The following RBFOX1 variants were observed in gnomAD, a reference collection of about 807,000 sequenced individuals.
RBFOX1 encodes RNA binding fox-1 homolog 1.
RBFOX1 carries 8 observed loss-of-function variants against 57.7 expected under a neutral mutation model. That is an observed-to-expected ratio of 0.14 (90% CI 0.08 to 0.25). The LOEUF (loss-of-function observed/expected upper bound fraction) is 0.25. Ranked by LOEUF, RBFOX1 falls within the 10% of genes least tolerant of loss-of-function variation. The pLI, the probability that RBFOX1 is intolerant of heterozygous loss-of-function variation, is 1.00. For synonymous variants in RBFOX1, 326 were observed against 222.4 expected (o/e 1.47, Z -4.15); for missense variants, 611 against 548.5 (o/e 1.11, Z -1.14).
chr16:7,021,823 A>C (rs2039215739), intron 3 of RBFOX1, among the ~76,000 whole-genome samples: 1 of 151,204 alleles, frequency 6.6e-6, no homozygotes, highest in Non-Finnish European at 1.5e-5. Context: ...ATTTATTTCT[A>C]ATTCTTGAAG....
At chr16:6,902,353 C>G (rs1596640230) in intron 3 of RBFOX1, among the ~76,000 whole-genome samples, 1 of 152,286 alleles carries the variant, frequency 6.6e-6, no homozygotes, top group South Asian at 2.1e-4. Context: ...TTAGTAATTT[C>G]AAGTTGGTGA....
chr16:6,866,497 C>G (rs1320137830), intron 3 of RBFOX1, among the ~76,000 whole-genome samples: 1 of 129,118 alleles, frequency 7.7e-6, no homozygotes, highest in East Asian at 2.4e-4. Flanking sequence ...TCACAAAGGA[C>G]TTTTTTTAAA....
At chr16:5,618,379 C>A (rs1036084336) in intron 3 of RBFOX1, among the ~76,000 whole-genome samples, 3 of 151,650 alleles carry the variant, frequency 2.0e-5, no homozygotes, top group African/African-American at 7.3e-5. Context: ...GCTCTGTCAC[C>A]CAGGCTGCAG....
At chr16:5,723,908 A>G (rs12325295) in intron 3 of RBFOX1, among the ~76,000 whole-genome samples, 46,037 of 151,966 alleles carry the variant, frequency 0.3, 7,742 homozygotes, top group East Asian at 0.74. Flanking sequence ...TAAAGAGCTC[A>G]AGTCAAGAAG....
intron 2 of RBFOX1, among the ~76,000 whole-genome samples, chr16:6,487,383 G>T (rs966476387): frequency 2.0e-5 from 3 of 151,890 alleles, no homozygotes; most frequent in Non-Finnish European, 4.4e-5. Context: ...TAGGGTATTG[G>T]GAGGGTCTCC....
At chr16:6,676,739 G>A (rs1199226274) in intron 3 of RBFOX1, among the ~76,000 whole-genome samples, 2 of 141,666 alleles carry the variant, frequency 1.4e-5, no homozygotes, top group African/African-American at 2.6e-5. Flanking sequence ...GCCATGGTGC[G>A]ATCAAGGGTC....
At chr16:7,603,960 G>A (rs186247774) in intron 9 of RBFOX1, among the ~76,000 whole-genome samples, 1 of 152,202 alleles carries the variant, frequency 6.6e-6, no homozygotes, top group African/African-American at 2.4e-5. Flanking sequence ...GAGAATTAGG[G>A]CATTTCTGCT....
At chr16:7,267,837 C>T (rs149690302) in intron 4 of RBFOX1, among the ~76,000 whole-genome samples, 5,274 of 152,224 alleles carry the variant, frequency 0.035, 309 homozygotes, top group African/African-American at 0.12. Context: ...GCCGGGGCAA[C>T]AGAGTGAGAC....
At chr16:6,978,991 G>C (rs35871466) in intron 3 of RBFOX1, among the ~76,000 whole-genome samples, 100 of 152,268 alleles carry the variant, frequency 6.6e-4, no homozygotes, top group Admixed American at 2.1e-3. Context: ...GCAAACTGTT[G>C]ACTCTTTCTG....
intron 1 of RBFOX1, among the ~76,000 whole-genome samples, chr16:6,287,941 A>T (rs1031948665): frequency 6.6e-6 from 1 of 152,156 alleles, no homozygotes; most frequent in African/African-American, 2.4e-5. Flanking sequence ...CTAAGTTTTG[A>T]TATCTTGCTA....
At chr16:6,573,974 C>G (rs539247256) in intron 2 of RBFOX1, 2 of 152,404 alleles carry the variant, frequency 1.3e-5, no homozygotes, top group South Asian at 4.1e-4. Flanking sequence ...GGTTAGGTTG[C>G]TTCTAACAGA....
chr16:6,648,131 C>T (rs909250510), intron 2 of RBFOX1, among the ~76,000 whole-genome samples: 2 of 151,460 alleles, frequency 1.3e-5, no homozygotes, highest in African/African-American at 4.9e-5. Flanking sequence ...GCATGAGCCA[C>T]TGCACCCGGC....
intron 3 of RBFOX1, among the ~76,000 whole-genome samples, chr16:6,700,603 A>C (rs572543275): frequency 6.6e-6 from 1 of 152,258 alleles, no homozygotes; most frequent in South Asian, 2.1e-4. Context: ...GGTTGCAGTG[A>C]GCTGAGATCG....
At chr16:7,487,208 G>A (rs1356277963) in intron 4 of RBFOX1, among the ~76,000 whole-genome samples, 1 of 152,120 alleles carries the variant, frequency 6.6e-6, no homozygotes, top group East Asian at 1.9e-4. Context: ...ACCACTTTCA[G>A]GCATTTGAAC....
At chr16:7,089,666 G>A (rs1298191286) in intron 4 of RBFOX1, among the ~76,000 whole-genome samples, 1 of 152,156 alleles carries the variant, frequency 6.6e-6, no homozygotes, top group African/African-American at 2.4e-5. Flanking sequence ...ACTCAAAGCA[G>A]AGGAAAAATG....
At chr16:7,691,938 C>G (rs1334755941) in intron 14 of RBFOX1, among the ~76,000 whole-genome samples, 1 of 152,136 alleles carries the variant, frequency 6.6e-6, no homozygotes, top group Non-Finnish European at 1.5e-5. Flanking sequence ...TTCTAAGTGC[C>G]TGTTTTGTGC....
chr16:5,417,508 C>T (rs1037426081), intron 1 of RBFOX1, among the ~76,000 whole-genome samples: 28 of 151,496 alleles, frequency 1.8e-4, no homozygotes, highest in Admixed American at 8.5e-4. Context: ...CCCTCACCAC[C>T]GTGTGTGGCT....
rs183328825 is a variant in RBFOX1 at position 7,045,359 on chromosome 16, A to G, written c.-15-6698A>G. Among the ~76,000 whole-genome samples, 7 of 152,328 alleles carry G rather than the reference A, an allele frequency of 4.6e-5. No homozygotes were observed. In the East Asian group the frequency reaches 1.2e-3, roughly 25 times the overall value. ...CTGTGCAGGGAAAAATAAACACAACAAAAACAAACATGTCTACTATAGAGA... is the reference window on the plus strand; with the variant it reads ...CTGTGCAGGGAAAAATAAACACAACGAAAACAAACATGTCTACTATAGAGA... On this transcript the variant is annotated intron_variant, in intron 3 of 15. Coordinates refer to ENST00000550418, the MANE Select transcript of RBFOX1 (RefSeq NM_018723.4).
intron 1 of RBFOX1, among the ~76,000 whole-genome samples, chr16:6,309,178 C>A (rs1294608185): frequency 6.6e-6 from 1 of 151,938 alleles, no homozygotes; most frequent in East Asian, 1.9e-4. Flanking sequence ...TTGAAATTTC[C>A]CTGGAGTTCA....
Sources: gnomAD v4.1 joint callset for allele counts (sites outside exome capture counted in the v4.1 genomes callset) on GRCh38, gnomAD v4.1.1 for gene constraint, MANE v1.5 for transcripts, NCBI Gene and HGNC (gene_info 2026-07-23, HGNC 2026-07-21) for gene names.